PDE8B: variants seen among roughly 807,000 people sequenced by gnomAD.
PDE8B encodes phosphodiesterase 8B, also known as high affinity cAMP-specific and IBMX-insensitive 3',5'-cyclic phosphodiesterase 8B.
PDE8B carries 26 observed loss-of-function variants against 101.3 expected under a neutral mutation model. The observed-to-expected ratio is 0.26, with a 90% CI of 0.19 to 0.36. The LOEUF is 0.36. Among genes scored for constraint, PDE8B ranks in the 10% least tolerant of loss-of-function variants. The pLI, the probability that PDE8B is intolerant of heterozygous loss-of-function variation, is 1.00. For missense variants in PDE8B, 810 were observed against 1,163.1 expected, an observed-to-expected ratio of 0.70 and a Z score of 4.42; for synonymous variants, 424 against 429.3, an observed-to-expected ratio of 0.99 and a Z score of 0.15.
intron 10 of PDE8B, among the ~76,000 whole-genome samples, chr5:77,385,432 A>AT (rs201364254): frequency 0.3 from 43,186 of 143,928 alleles, 6,301 homozygotes; most frequent in Middle Eastern, 0.34. Context: ...GGATTCATTG[A>AT]TTTTTTTTTT....
the PDE8B span, chr5:77,147,082 CA>C: frequency 4.5e-5 from 17 of 377,050 alleles, no homozygotes; most frequent in East Asian, 2.2e-4. Context: ...CCTGATGCAG[CA>C]AAAAAGGGAG....
chr5:77,148,871 T>G, the PDE8B span, among the ~76,000 whole-genome samples: 1 of 152,304 alleles, frequency 6.6e-6, no homozygotes, highest in East Asian at 1.9e-4. Flanking sequence ...TGCAAAAGTT[T>G]GATTTTGATG....
chr5:77,274,649 C>A (rs1375946953), intron 1 of PDE8B, among the ~76,000 whole-genome samples: 1 of 152,144 alleles, frequency 6.6e-6, no homozygotes, highest in East Asian at 1.9e-4. Context: ...TTGATCTCAT[C>A]AAATAGCCTA....
At chr5:77,301,888 G>GT (rs200573106) in intron 1 of PDE8B, among the ~76,000 whole-genome samples, 1,903 of 152,012 alleles carry the variant, frequency 0.013, 15 homozygotes, top group Admixed American at 0.024. Context: ...GCAGTTTGGG[G>GT]TTTTTTTTGT....
intron 5 of PDE8B, among the ~76,000 whole-genome samples, chr5:77,334,938 C>A (rs1034395764): frequency 1.1e-4 from 17 of 152,178 alleles, no homozygotes; most frequent in Admixed American, 2.0e-4. Context: ...ACCTGAGAAT[C>A]CACAGAGCAC....
chr5:77,283,979 C>T (rs1163014036), intron 1 of PDE8B, among the ~76,000 whole-genome samples: 1 of 152,214 alleles, frequency 6.6e-6, no homozygotes. Context: ...TGCTCCATGT[C>T]CTTCCCAGCA....
At chr5:77,387,271 ATC>A (rs1280024178) in intron 10 of PDE8B, among the ~76,000 whole-genome samples, 7 of 151,502 alleles carry the variant, frequency 4.6e-5, no homozygotes, top group African/African-American at 1.5e-4. Flanking sequence ...TGTTGAGAAA[ATC>A]TCTCGGTATT....
intron 1 of PDE8B, among the ~76,000 whole-genome samples, chr5:77,232,882 T>C (rs964674869): frequency 6.6e-6 from 1 of 152,196 alleles, no homozygotes; most frequent in Non-Finnish European, 1.5e-5. Context: ...TTAACAAATA[T>C]AAATAATACA....
At chr5:77,122,040 A>G in the PDE8B span, among the ~76,000 whole-genome samples, 19,793 of 152,144 alleles carry the variant, frequency 0.13, 1,296 homozygotes, top group East Asian at 0.16. Flanking sequence ...CAGGTTCCAA[A>G]TCCATAAATA....
the PDE8B span, among the ~76,000 whole-genome samples, chr5:77,180,967 C>CGTGTGTGTGTGTGTGTGTGTGTGT: frequency 1.4e-5 from 2 of 147,536 alleles, no homozygotes; most frequent in African/African-American, 5.0e-5. Flanking sequence ...GGTGTGTACA[C>CGTGTGTGTGTGTGTGTGTGTGTGT]GTGTGTGTGT....
the PDE8B span, among the ~76,000 whole-genome samples, chr5:77,124,679 A>G: frequency 1.3e-5 from 2 of 152,322 alleles, no homozygotes; most frequent in East Asian, 3.9e-4. Context: ...TTTATAAAGG[A>G]CTAAACTCAA....
intron 1 of PDE8B, among the ~76,000 whole-genome samples, chr5:77,260,787 T>A (rs1471862612): frequency 6.6e-6 from 1 of 151,386 alleles, no homozygotes; most frequent in African/African-American, 2.4e-5. Context: ...AGAGATGGAG[T>A]TTCACCATGT....
rs73764817 is a variant in PDE8B at position 77,349,650 on chromosome 5, T to A, written c.1017+91T>A. 2,470 of 1,387,002 alleles carry A rather than the reference T, an allele frequency of 1.8e-3. 43 individuals carry two copies. In the African/African-American group the frequency reaches 0.031, roughly 17 times the overall value. The allele number at this position is 1,387,002 out of a possible 1,614,324, so 85.9% of individuals were successfully genotyped here. On this transcript the variant is annotated intron_variant, in intron 8 of 21. Coordinates refer to ENST00000264917, the MANE Select transcript of PDE8B (RefSeq NM_003719.5). Reference sequence around the variant, plus strand: ...AGAATTTCATCCTTAAGATTAGCTTTTTTAATAATGTCATAATTAAGTGAA... The same window carrying A: ...AGAATTTCATCCTTAAGATTAGCTTATTTAATAATGTCATAATTAAGTGAA...
At chr5:77,339,096 T>G (rs1778717451) in intron 6 of PDE8B, among the ~76,000 whole-genome samples, 1 of 152,212 alleles carries the variant, frequency 6.6e-6, no homozygotes, top group African/African-American at 2.4e-5. Flanking sequence ...TTCAGGTTAT[T>G]GTACTGCTGA....
intron 2 of PDE8B, among the ~76,000 whole-genome samples, chr5:77,312,514 C>T (rs1772898776): frequency 6.6e-6 from 1 of 152,254 alleles, no homozygotes; most frequent in Non-Finnish European, 1.5e-5. Flanking sequence ...CACCCCAAAA[C>T]TAGTCTGCTC....
chr5:77,273,472 G>A (rs1277485263), intron 1 of PDE8B, among the ~76,000 whole-genome samples: 3 of 152,160 alleles, frequency 2.0e-5, no homozygotes, highest in Admixed American at 6.5e-5. Context: ...ACTAGCAATC[G>A]CCCTTGTCCT....
chr5:77,364,949 G>A lies in PDE8B; in HGVS notation c.1167+11543G>A, dbSNP rs532359666. Among the ~76,000 whole-genome samples, 11 of 152,272 alleles carry A rather than the reference G, an allele frequency of 7.2e-5. No homozygotes were observed. The South Asian group carries it at 1.0e-3, about 14-fold the overall frequency. On this transcript the variant is annotated intron_variant, in intron 10 of 21. Transcript: ENST00000264917. ...TGTTGAAAAGAGTTTAAGTCTATTCGCAGAGCTTTGGCCCACAAGTTACAA... is the reference window on the plus strand; with the variant it reads ...TGTTGAAAAGAGTTTAAGTCTATTCACAGAGCTTTGGCCCACAAGTTACAA...
intron 11 of PDE8B, among the ~76,000 whole-genome samples, chr5:77,404,208 G>A (rs1016141447): frequency 1.3e-5 from 2 of 152,058 alleles, no homozygotes; most frequent in Non-Finnish European, 2.9e-5. Flanking sequence ...GGGTGGTCTC[G>A]AACTCCTGAC....
intron 20 of PDE8B, among the ~76,000 whole-genome samples, chr5:77,425,039 A>AT (rs1797718964): frequency 6.6e-6 from 1 of 152,118 alleles, no homozygotes; most frequent in African/African-American, 2.4e-5. Flanking sequence ...TATAATGACT[A>AT]TGGCTATTAA....
Sources: allele counts gnomAD v4.1 joint callset (sites outside exome capture counted in the v4.1 genomes callset), GRCh38; gene constraint gnomAD v4.1.1; transcripts MANE v1.5; gene names NCBI Gene and HGNC (gene_info 2026-07-23, HGNC 2026-07-21).